The following BTAF1 variants were observed in gnomAD, a reference collection of about 807,000 sequenced individuals.
The protein encoded by BTAF1 is B-TFIID TATA-box binding protein associated factor 1.
Under a neutral mutation model 227.1 loss-of-function variants are expected in BTAF1, and 38 were observed. That is an observed-to-expected ratio of 0.17 (90% CI 0.13 to 0.22). BTAF1 has a LOEUF of 0.22. Among genes scored for constraint, BTAF1 ranks in the 10% least tolerant of loss-of-function variants. BTAF1 has a pLI of 1.00. For missense variants in BTAF1, 1,598 were observed against 2,204.0 expected (o/e 0.73, Z 5.51); for synonymous variants, 742 against 751.9 (o/e 0.99, Z 0.21).
rs770423983 is a variant in BTAF1 at position 91,997,758 on chromosome 10, C to T, written c.3660+7C>T. The T allele has an allele frequency of 1.3e-5, 21 of 1,611,868 alleles. No homozygotes were observed. Among genetic ancestry groups the T allele is most frequent in the Non-Finnish European group, 1.8e-5 (21 of 1,179,670 alleles). On this transcript the variant is annotated splice_region_variant and intron_variant, in intron 25 of 37. Transcript: ENST00000265990. ...TAGACTCATGCCACTTGAGGTAAGT[C>T]AAAGATACTTGCTTTAAAGACATAA... is the stretch of plus-strand genomic sequence containing the variant.
At chr10:92,010,978 C>A in intron 28 of BTAF1, 95 bp from the exon 29 acceptor site, 1 of 867,288 alleles carries the variant, frequency 1.2e-6, no homozygotes, top group Non-Finnish European at 1.9e-6. Flanking sequence ...GAATGCTGGG[C>A]TTAGTGGGCA....
chr10:91,991,797 GTATATA>G (rs1166615338), intron 20 of BTAF1, among the ~76,000 whole-genome samples: 6 of 10,008 alleles, frequency 6.0e-4, no homozygotes, highest in African/African-American at 1.1e-3. Context: ...GTGTGTGTGT[GTATATA>G]TATATATATA....
In BTAF1 at chr10:91,997,632, G is replaced by T. The variant is rs754343426; in HGVS notation, c.3541G>T (p.Val1181Phe). The T allele has an allele frequency of 1.2e-6, 2 of 1,613,786 alleles. No homozygotes were observed. The highest frequency in any genetic ancestry group is 1.1e-5 in the South Asian group (1 of 91,056). ...CVMEQLDVGI[V>F]PYIVLLVVPV... is the part of the protein sequence containing the mutation. ...AATGGAACAACTAGATGTTGGTATT[G>T]TTCCATATATTGTCCTTTTAGTTGT... The change falls in exon 25 of 38, where the codon GTT becomes TTT. Residue 1181 changes from valine (V) to phenylalanine (F), a missense_variant. By Grantham distance (50) the Val-to-Phe change is conservative (BLOSUM62 -1). Transcript: ENST00000265990.
intron 25 of BTAF1, among the ~76,000 whole-genome samples, chr10:91,998,368 G>A (rs915910410): frequency 9.9e-5 from 15 of 152,026 alleles, no homozygotes; most frequent in African/African-American, 3.6e-4. Flanking sequence ...TTGTTCCTAA[G>A]TTTTTCTGGT....
intron 5 of BTAF1, among the ~76,000 whole-genome samples, chr10:91,952,522 A>C (rs1013661965): frequency 1.3e-5 from 2 of 152,222 alleles, no homozygotes; most frequent in African/African-American, 4.8e-5. Flanking sequence ...GGCTGCATTA[A>C]CAATTCCTGC....
At chr10:91,960,583 C>T (rs910255154) in intron 11 of BTAF1, among the ~76,000 whole-genome samples, 2 of 136,274 alleles carry the variant, frequency 1.5e-5, no homozygotes, top group African/African-American at 6.1e-5. Flanking sequence ...CATAAACTGT[C>T]AGTGTTTTTT....
At chr10:92,023,992 G>A (rs1464384427) in intron 34 of BTAF1, among the ~76,000 whole-genome samples, 1 of 152,224 alleles carries the variant, frequency 6.6e-6, no homozygotes, top group Non-Finnish European at 1.5e-5. Context: ...GGATGAAGAA[G>A]AGTACTATTG....
intron 30 of BTAF1, among the ~76,000 whole-genome samples, chr10:92,012,764 CTG>C (rs1292645487): frequency 1.5e-5 from 1 of 67,134 alleles, no homozygotes; most frequent in Non-Finnish European, 2.8e-5. Flanking sequence ...GAGTGAGACT[CTG>C]TCTCAAAAAA....
At chr10:91,992,440 T>C in intron 21 of BTAF1, 131 bp downstream of exon 21, 1 of 833,574 alleles carries the variant, frequency 1.2e-6, no homozygotes, top group Non-Finnish European at 1.8e-6. Flanking sequence ...TTTGGAGTAC[T>C]CCAACAATAT....
At position 91,925,174 on chromosome 10, in the gene BTAF1, T is replaced by A. The variant is rs1332167664; in HGVS notation, c.14+1084T>A. On this transcript the variant is annotated intron_variant, in intron 1 of 37. Coordinates refer to ENST00000265990, the MANE Select transcript of BTAF1 (RefSeq NM_003972.3). The stretch of plus-strand genomic sequence containing the variant: ...GGGTGAAGGGGGTTGCTAGGTACCG[T>A]AGTATGGGGCATCTGATTTTTATTT... Among the ~76,000 whole-genome samples, 3 of 152,144 alleles carry A rather than the reference T, an allele frequency of 2.0e-5. 1 individual carries two copies. In the East Asian group the frequency reaches 5.8e-4, roughly 29 times the overall value.
Position 92,008,239 on chromosome 10 carries a change from A to G in BTAF1, c.3777A>G (p.Pro1259=), listed in dbSNP as rs370361997. The part of the protein sequence containing the change: ...DGKKLENYKI[P]VPINAELRKY... ...AAAAATTGGAAAATTATAAAATTCC[A>G]GTACCAATCAATGCTGAACTCAGAA... is the stretch of plus-strand genomic sequence containing the variant. The change falls in exon 26 of 38, where the codon CCA becomes CCG. Residue 1259 remains proline, a synonymous_variant. Coordinates refer to ENST00000265990, the MANE Select transcript of BTAF1 (RefSeq NM_003972.3). 31 of 1,593,294 alleles carry G rather than the reference A, an allele frequency of 1.9e-5. No homozygotes were observed. The highest frequency in any genetic ancestry group is 1.8e-5 in the Non-Finnish European group (21 of 1,175,470).
Position 91,980,480 on chromosome 10 carries a change from A to C in BTAF1, c.1677A>C (p.Ile559=), listed in dbSNP as rs764921083. The stretch of plus-strand genomic sequence containing the variant: ...ACTCTTCATCTTGGCTTATACCTAT[A>C]CTGCCTGATATGCTCCGACACATTT... ...DQNSSSWLIP[I]LPDMLRHIFQ... is the part of the protein sequence containing the mutation. The change falls in exon 15 of 38, where the codon ATA becomes ATC. Residue 559 remains isoleucine, a synonymous_variant. Coordinates refer to ENST00000265990, the MANE Select transcript of BTAF1 (RefSeq NM_003972.3). 1.9e-6 allele frequency: 3 copies of C among 1,613,050 alleles called. No homozygotes were observed. Among genetic ancestry groups the C allele is most frequent in the South Asian group, 1.1e-5 (1 of 90,998 alleles).
chr10:91,993,349 A>T (rs867744070), intron 21 of BTAF1, among the ~76,000 whole-genome samples: 9 of 152,188 alleles, frequency 5.9e-5, no homozygotes, highest in Non-Finnish European at 1.2e-4. Flanking sequence ...CACTTCATCT[A>T]TCTTCTCTCT....
chr10:91,989,418 G>A lies in BTAF1; in HGVS notation c.2692G>A (p.Ala898Thr). 6.2e-7 allele frequency: 1 copy of A among 1,614,128 alleles called. No homozygotes were observed. The highest frequency in any genetic ancestry group is 8.5e-7 in the Non-Finnish European group (1 of 1,180,020). The change falls in exon 20 of 38, where the codon GCT (alanine) becomes ACT (threonine). Residue 898 changes from alanine to threonine, a missense_variant. Around this residue, in one of 10 missense-constraint regions of BTAF1, gnomAD observed 425 missense variants for 491.2 expected, o/e 0.87. Transcript: ENST00000265990. ...EENTLVQNYA[A>T]QCIAKLLQQC... ...GAATACACTAGTGCAAAACTATGCA[G>A]CTCAGTGCATAGCTAAACTCCTTCA...
chr10:91,953,827 T>C lies in BTAF1; in HGVS notation c.655T>C (p.Phe219Leu), dbSNP rs908659723. The change falls in exon 6 of 38, where the codon TTT becomes CTT. Residue 219 changes from phenylalanine (F) to leucine (L), a missense_variant. Coordinates refer to ENST00000265990, the MANE Select transcript of BTAF1 (RefSeq NM_003972.3). ...KNKAKRMAKLFAKQRSRDAVE... is the reference protein window; with the variant it reads ...KNKAKRMAKLLAKQRSRDAVE... ...CAAAGCTAAAAGAATGGCCAAGTTA[T>C]TTGCAAAACAGAGATCCAGGGATGC... 8 of 1,613,940 alleles carry C rather than the reference T, an allele frequency of 5.0e-6. No homozygotes were observed. In the African/African-American group the frequency reaches 9.3e-5, roughly 19 times the overall value.
At chr10:91,999,158 T>C (rs112552178) in intron 25 of BTAF1, among the ~76,000 whole-genome samples, 9 of 152,148 alleles carry the variant, frequency 5.9e-5, no homozygotes, top group African/African-American at 2.2e-4. Flanking sequence ...TTTGAGTAAA[T>C]ACTTAAGAAT....
In BTAF1 at chr10:92,007,210, CTTTTTTTTT is replaced by C. The variant is rs969389265; in HGVS notation, c.3661-895_3661-887del. ...ACTGCTCTATCAAGGTATTTTTTGT[CTTTTTTTTT>C]TTTTTTTTTTTTTTTTTGAGATGGA... is the stretch of plus-strand genomic sequence containing the variant. On this transcript the variant is annotated intron_variant, in intron 25 of 37. Coordinates refer to ENST00000265990, the MANE Select transcript of BTAF1 (RefSeq NM_003972.3). Among the ~76,000 whole-genome samples, 20 of 61,278 alleles carry C rather than the reference CTTTTTTTTT, an allele frequency of 3.3e-4. No homozygotes were observed. The South Asian group carries it at 0.011, about 33-fold the overall frequency. 40.2% of individuals were successfully genotyped at this position (61,278 alleles called of 152,430 possible).
At chr10:91,965,535 T>TA (rs1283244525) in intron 13 of BTAF1, among the ~76,000 whole-genome samples, 2 of 152,160 alleles carry the variant, frequency 1.3e-5, no homozygotes, top group Non-Finnish European at 2.9e-5. Flanking sequence ...CTGGATAATA[T>TA]AAAAAAGAAT....
chr10:92,020,355 A>G (rs970144034), intron 34 of BTAF1, among the ~76,000 whole-genome samples: 2 of 152,200 alleles, frequency 1.3e-5, no homozygotes, highest in African/African-American at 4.8e-5. Context: ...TAGGATTTCA[A>G]AAGATTAAGG....
Sources: allele counts gnomAD v4.1 joint callset (sites outside exome capture counted in the v4.1 genomes callset), GRCh38; gene constraint gnomAD v4.1.1; regional missense constraint gnomAD v4.1.1; transcripts MANE v1.5; gene names NCBI Gene and HGNC (gene_info 2026-07-23, HGNC 2026-07-21).